The following C8orf34 variants were observed in gnomAD, a reference collection of about 807,000 sequenced individuals.
The protein encoded by C8orf34 is uncharacterized protein C8orf34.
Under a neutral mutation model 68.3 loss-of-function variants are expected in C8orf34, and 65 were observed. The observed-to-expected ratio is 0.95, with a 90% CI of 0.78 to 1.17. C8orf34 has a LOEUF of 1.17. C8orf34 is among the 50% of genes most tolerant of loss of function. The probability of loss-of-function intolerance (pLI) is 0.00; values close to 1 mark genes in which losing one functional copy is unlikely to be tolerated. For missense variants in C8orf34, 664 were observed against 655.4 expected, an observed-to-expected ratio of 1.01 and a Z score of -0.14; for synonymous variants, 244 against 241.2, an observed-to-expected ratio of 1.01 and a Z score of -0.11.
chr8:68,546,274 G>A (rs1359286486), intron 7 of C8orf34, among the ~76,000 whole-genome samples: 1 of 151,950 alleles, frequency 6.6e-6, no homozygotes, highest in Non-Finnish European at 1.5e-5. Flanking sequence ...AAAAGGCAGA[G>A]GTTGTCAGAC....
chr8:68,402,312 T>A (rs1237432639), intron 1 of C8orf34, among the ~76,000 whole-genome samples: 2 of 152,200 alleles, frequency 1.3e-5, no homozygotes, highest in Non-Finnish European at 2.9e-5. Flanking sequence ...TCTTGGTTAG[T>A]CTGGCTAGCA....
chr8:68,797,654 A>G (rs190411323), intron 12 of C8orf34, among the ~76,000 whole-genome samples: 10 of 152,306 alleles, frequency 6.6e-5, no homozygotes, highest in Admixed American at 5.2e-4. Context: ...GGGGTGTTAG[A>G]GTTGATTATG....
intron 7 of C8orf34, among the ~76,000 whole-genome samples, chr8:68,597,294 T>G (rs781047906): frequency 6.6e-6 from 1 of 152,090 alleles, no homozygotes. Context: ...CGCATTCTCA[T>G]GTGTCCTACA....
chr8:68,484,428 A>G (rs1812989985), intron 4 of C8orf34, among the ~76,000 whole-genome samples: 1 of 152,154 alleles, frequency 6.6e-6, no homozygotes, highest in African/African-American at 2.4e-5. Flanking sequence ...TGACTTTTAC[A>G]AGGACCATGT....
At chr8:68,355,220 AT>A (rs1806696697) in intron 1 of C8orf34, among the ~76,000 whole-genome samples, 1 of 152,100 alleles carries the variant, frequency 6.6e-6, no homozygotes, top group South Asian at 2.1e-4. Flanking sequence ...TCAAAGTGTA[AT>A]GTATAACCCC....
chr8:68,439,667 C>T, intron 2 of C8orf34, 21 bp downstream of exon 2: 1 of 1,593,838 alleles, frequency 6.3e-7, no homozygotes, highest in Non-Finnish European at 8.5e-7. Flanking sequence ...AATGTCTATG[C>T]AGTTAATTTG....
intron 7 of C8orf34, among the ~76,000 whole-genome samples, chr8:68,555,036 T>C (rs1442128545): frequency 1.3e-5 from 2 of 152,152 alleles, no homozygotes; most frequent in African/African-American, 4.8e-5. Flanking sequence ...ATGTTTACAC[T>C]TTTAATACTT....
At chr8:68,670,064 T>A (rs1482538274) in intron 8 of C8orf34, among the ~76,000 whole-genome samples, 1 of 152,188 alleles carries the variant, frequency 6.6e-6, no homozygotes, top group Non-Finnish European at 1.5e-5. Flanking sequence ...GCCTCCCTGG[T>A]CAGCAGCTCT....
At chr8:68,341,706 C>T (rs1806077090) in intron 1 of C8orf34, among the ~76,000 whole-genome samples, 1 of 152,142 alleles carries the variant, frequency 6.6e-6, no homozygotes, top group Non-Finnish European at 1.5e-5. Flanking sequence ...CCTGCTTTTG[C>T]CATGAAACAT....
chr8:68,706,493 G>A (rs1023673641), intron 8 of C8orf34, among the ~76,000 whole-genome samples: 1 of 151,894 alleles, frequency 6.6e-6, no homozygotes, highest in Non-Finnish European at 1.5e-5. Context: ...AAAGAAGAGG[G>A]AAATGGAGAT....
intron 7 of C8orf34, among the ~76,000 whole-genome samples, chr8:68,602,002 C>G (rs1010863311): frequency 1.3e-5 from 2 of 152,124 alleles, no homozygotes; most frequent in African/African-American, 4.8e-5. Context: ...CTCCCTCCCC[C>G]ACCATCAGGT....
intron 12 of C8orf34, among the ~76,000 whole-genome samples, chr8:68,790,370 G>A (rs1823959540): frequency 6.6e-6 from 1 of 152,122 alleles, no homozygotes; most frequent in Non-Finnish European, 1.5e-5. Flanking sequence ...AACAACACCT[G>A]TTTCTTGACT....
intron 5 of C8orf34, among the ~76,000 whole-genome samples, chr8:68,521,447 A>G (rs1047647848): frequency 6.6e-6 from 1 of 152,018 alleles, no homozygotes; most frequent in Non-Finnish European, 1.5e-5. Context: ...ATTATTTACT[A>G]TTTCCCAGCA....
intron 11 of C8orf34, among the ~76,000 whole-genome samples, chr8:68,784,913 C>A (rs1307036053): frequency 6.6e-6 from 1 of 152,046 alleles, no homozygotes; most frequent in East Asian, 1.9e-4. Flanking sequence ...GGAGTCCAAT[C>A]ATTTATCCAG....
At chr8:68,331,607 C>G (rs942142116) in intron 1 of C8orf34, 2 of 500,794 alleles carry the variant, frequency 4.0e-6, no homozygotes, top group Non-Finnish European at 7.4e-6. Flanking sequence ...AAGTTTTGGC[C>G]CTCTGACTGT....
At chr8:68,483,316 G>T (rs1489452205) in intron 4 of C8orf34, among the ~76,000 whole-genome samples, 1 of 152,162 alleles carries the variant, frequency 6.6e-6, no homozygotes, top group Admixed American at 6.5e-5. Context: ...AAAAGTCTGA[G>T]GAAGCTGAAA....
chr8:68,743,552 G>A (rs936334328), intron 10 of C8orf34, among the ~76,000 whole-genome samples: 5 of 152,326 alleles, frequency 3.3e-5, no homozygotes, highest in African/African-American at 7.2e-5. Context: ...GAACCAGGGC[G>A]AGGCATTGCC....
At chr8:68,670,690 G>C (rs755203855) in intron 8 of C8orf34, among the ~76,000 whole-genome samples, 1 of 152,102 alleles carries the variant, frequency 6.6e-6, no homozygotes, top group Non-Finnish European at 1.5e-5. Flanking sequence ...TTGTGAAGAA[G>C]GCATTCAACC....
chr8:68,422,427 A>G (rs1490291140), intron 1 of C8orf34, among the ~76,000 whole-genome samples: 2 of 152,200 alleles, frequency 1.3e-5, no homozygotes. Flanking sequence ...TAAAACTTAA[A>G]GTTCCAAAAT....
Sources: allele counts gnomAD v4.1 joint callset (sites outside exome capture counted in the v4.1 genomes callset), GRCh38; gene constraint gnomAD v4.1.1; transcripts MANE v1.5; gene names NCBI Gene and HGNC (gene_info 2026-07-23, HGNC 2026-07-21).